UROS: variants seen among roughly 807,000 people sequenced by gnomAD.
The protein encoded by UROS is uroporphyrinogen III synthase.
Under a neutral mutation model 33.0 loss-of-function variants are expected in UROS, and 18 were observed. The ratio of observed to expected loss-of-function variants is 0.55; its 90% CI spans 0.38 to 0.81. The LOEUF is 0.81. UROS is among the 30% of genes least tolerant of loss of function. UROS has a pLI of 0.00. For missense variants in UROS, 293 were observed against 314.9 expected, an observed-to-expected ratio of 0.93 and a Z score of 0.53; for synonymous variants, 114 against 121.1, an observed-to-expected ratio of 0.94 and a Z score of 0.38.
intron 6 of UROS, among the ~76,000 whole-genome samples, chr10:125,806,542 G>C (rs1347460592): frequency 2.6e-5 from 4 of 152,210 alleles, no homozygotes; most frequent in African/African-American, 9.6e-5. Flanking sequence ...CTGCTCTCAT[G>C]CTTCTGTTGC....
chr10:125,807,102 C>A (rs768984409), intron 6 of UROS: 1 of 384,420 alleles, frequency 2.6e-6, no homozygotes, highest in Non-Finnish European at 4.9e-6. Flanking sequence ...CCCACTCACA[C>A]CTCCTGCCTC....
chr10:125,812,311 T>C (rs367876516), intron 4 of UROS, 23 bp from the exon 5 acceptor site: 2 of 1,610,230 alleles, frequency 1.2e-6, no homozygotes, highest in African/African-American at 2.7e-5. Flanking sequence ...AAATGATATG[T>C]GAATTGCAAA....
intron 9 of UROS, among the ~76,000 whole-genome samples, chr10:125,789,854 G>C (rs1850793468): frequency 6.6e-6 from 1 of 152,182 alleles, no homozygotes; most frequent in Non-Finnish European, 1.5e-5. Context: ...ACCTATAAAA[G>C]GGGCACAGTT....
chr10:125,796,761 A>G, intron 7 of UROS: 10 of 983,840 alleles, frequency 1.0e-5, no homozygotes, highest in Non-Finnish European at 1.1e-5. Flanking sequence ...AGGGCTGGTG[A>G]TGAGGCGCTA....
intron 1 of UROS, among the ~76,000 whole-genome samples, chr10:125,822,484 G>A (rs181219379): frequency 3.3e-5 from 5 of 152,198 alleles, no homozygotes; most frequent in Admixed American, 6.5e-5. Flanking sequence ...CACCACACCT[G>A]GCTAGTTTTT....
chr10:125,785,504 T>C (rs1850612709), downstream of UROS: 1 of 152,250 alleles, frequency 6.6e-6, no homozygotes. Context: ...GTAAAATGAT[T>C]CTTGGTAGCT....
intron 6 of UROS, chr10:125,807,119 C>T (rs1002725115): frequency 3.6e-5 from 15 of 416,890 alleles, no homozygotes; most frequent in Non-Finnish European, 5.4e-5. Flanking sequence ...CCTCTGCTCT[C>T]TTTGGAATCC....
chr10:125,792,167 T>A (rs1183885677), intron 9 of UROS: 1 of 152,192 alleles, frequency 6.6e-6, no homozygotes, highest in East Asian at 1.9e-4. Flanking sequence ...ATTTAAAAAT[T>A]TGAAAAAAAG....
At chr10:125,795,909 A>C (rs1182384372) in intron 8 of UROS, among the ~76,000 whole-genome samples, 194 bp downstream of exon 8, 1 of 152,230 alleles carries the variant, frequency 6.6e-6, no homozygotes, top group African/African-American at 2.4e-5. Context: ...ACATTTCATG[A>C]AACAACCACA....
At position 125,788,761 on chromosome 10, in the gene UROS, C is replaced by CA; in HGVS notation, c.*106dup. 1 of 1,473,064 alleles carries CA rather than the reference C, an allele frequency of 6.8e-7. No homozygotes were observed. The highest frequency in any genetic ancestry group is 9.0e-7 in the Non-Finnish European group (1 of 1,112,646). 91.2% of individuals were successfully genotyped at this position (1,473,064 alleles called of 1,614,324 possible). A position where few individuals can be genotyped will look rare whatever the true frequency, so the allele number is the denominator to read the frequency against. ...CAGGTGCTTCCACTCAGGCTTGAGG[C>CA]AGGAGTCTGACGGCAGCAGCTCCCG... On this transcript the variant is annotated 3_prime_UTR_variant, in exon 10 of 10. Transcript: ENST00000368797.
chr10:125,800,578 T>C (rs1258903923), intron 6 of UROS, among the ~76,000 whole-genome samples: 1 of 151,360 alleles, frequency 6.6e-6, no homozygotes, highest in Non-Finnish European at 1.5e-5. Flanking sequence ...TTTTTTTTTT[T>C]TGTGACGGAG....
chr10:125,794,501 T>C, intron 9 of UROS: 2 of 401,760 alleles, frequency 5.0e-6, no homozygotes, highest in South Asian at 4.0e-5. Context: ...GCTTTTAGAA[T>C]AGACAATAAT....
intron 8 of UROS, 46 bp from the exon 9 acceptor site, chr10:125,795,024 G>A (rs1371316527): frequency 4.5e-6 from 7 of 1,541,010 alleles, no homozygotes; most frequent in Non-Finnish European, 6.3e-6. Flanking sequence ...TGAGACTGAG[G>A]AGAGACAACA....
intron 4 of UROS, among the ~76,000 whole-genome samples, chr10:125,813,019 C>CT (rs1852949562): frequency 6.6e-6 from 1 of 152,176 alleles, no homozygotes; most frequent in Non-Finnish European, 1.5e-5. Flanking sequence ...TTCCTCTACC[C>CT]TTTACATTAA....
intron 6 of UROS, among the ~76,000 whole-genome samples, chr10:125,800,369 G>A (rs186296138): frequency 2.2e-3 from 335 of 152,208 alleles, no homozygotes; most frequent in African/African-American, 7.6e-3. Flanking sequence ...TGCCTTTTCC[G>A]ATACTACCTA....
At chr10:125,810,767 C>T (rs1028477254) in intron 5 of UROS, among the ~76,000 whole-genome samples, 1 of 152,172 alleles carries the variant, frequency 6.6e-6, no homozygotes, top group African/African-American at 2.4e-5. Context: ...CTCAAAAGAG[C>T]TCCTTTGTAC....
intron 6 of UROS, among the ~76,000 whole-genome samples, chr10:125,804,200 T>C (rs1469540952): frequency 6.6e-6 from 1 of 152,038 alleles, no homozygotes; most frequent in Non-Finnish European, 1.5e-5. Context: ...GATCAAAGGG[T>C]TGGAGATGGA....
chr10:125,808,939 G>T (rs1325128907), intron 5 of UROS, among the ~76,000 whole-genome samples: 2 of 152,260 alleles, frequency 1.3e-5, no homozygotes, highest in Non-Finnish European at 2.9e-5. Context: ...CTCTGGCTGG[G>T]TAAGCCCATC....
intron 1 of UROS, among the ~76,000 whole-genome samples, chr10:125,818,483 A>T (rs188007444): frequency 7.7e-6 from 1 of 129,556 alleles, no homozygotes; most frequent in African/African-American, 2.8e-5. Flanking sequence ...ACAGAGAAGG[A>T]TCTTGTCTAA....
Sources: allele counts gnomAD v4.1 joint callset (sites outside exome capture counted in the v4.1 genomes callset), GRCh38; gene constraint gnomAD v4.1.1; transcripts MANE v1.5; gene names NCBI Gene and HGNC (gene_info 2026-07-23, HGNC 2026-07-21).